CEMP1: variants seen among roughly 807,000 people sequenced by gnomAD.
CEMP1 encodes cementum protein 1.
For synonymous variants in CEMP1, 161 were observed against 128.6 expected (o/e 1.25, Z -1.71); for missense variants, 387 against 316.9 (o/e 1.22, Z -1.68).
In CEMP1 at chr16:2,530,616, G is replaced by A. The variant is rs377752525; in HGVS notation, c.458C>T (p.Ala153Val). The change falls in exon 1 of 1, where the codon GCC (alanine) becomes GTC (valine). Residue 153 changes from alanine (A) to valine (V), a missense_variant. By Grantham distance (64) the Ala-to-Val change is moderately conservative. Coordinates refer to ENST00000567119, the MANE Select transcript of CEMP1 (RefSeq NM_001048212.3). ...LQQREENSGRARRVPPVPRTA... is the reference protein window; with the variant it reads ...LQQREENSGRVRRVPPVPRTA... Reference sequence around the variant, plus strand: ...CCTGGGCACAGGAGGTACGCGCCTGGCTCTGCCACTGTTCTCTTCCCTCTG... The same window carrying A: ...CCTGGGCACAGGAGGTACGCGCCTGACTCTGCCACTGTTCTCTTCCCTCTG... 22 of 1,614,050 alleles carry A rather than the reference G, an allele frequency of 1.4e-5. No individual in the cohort carries two copies. Among genetic ancestry groups the A allele is most frequent in the Non-Finnish European group, 1.8e-5 (21 of 1,180,032 alleles).
Position 2,531,085 on chromosome 16 carries a change from A to G in CEMP1, c.-12T>C. On this transcript the variant is annotated 5_prime_UTR_variant, in exon 1 of 1. Transcript: ENST00000567119. Reference sequence around the variant, plus strand: ...CTTGATGTGCCCATCCTCAGCTAAAACCCAGAGCTGGCATGTTGGTCATCC... The same window carrying G: ...CTTGATGTGCCCATCCTCAGCTAAAGCCCAGAGCTGGCATGTTGGTCATCC... The G allele has an allele frequency of 1.3e-6, 2 of 1,573,896 alleles. No homozygotes were observed. The highest frequency in any genetic ancestry group is 1.7e-6 in the Non-Finnish European group (2 of 1,155,572).
At position 2,530,271 on chromosome 16, in the gene CEMP1, G is replaced by A. The variant is rs551703522; in HGVS notation, c.*59C>T. On this transcript the variant is annotated 3_prime_UTR_variant, in exon 1 of 1. Coordinates refer to ENST00000567119, the MANE Select transcript of CEMP1 (RefSeq NM_001048212.3). ...CACATCCCCAGGCCCAGTGCTTGCC[G>A]GCTGTGGTGACCCTGCCTGGTGCTG... 23 of 1,612,232 alleles carry A rather than the reference G, an allele frequency of 1.4e-5. No homozygotes were observed. The highest frequency in any genetic ancestry group is 1.1e-4 in the East Asian group (5 of 44,842).
In CEMP1 at chr16:2,530,581, C is replaced by G. The variant is rs563584391; in HGVS notation, c.493G>C (p.Val165Leu). Residue 165 changes from valine (V) to leucine (L), a missense_variant, in exon 1 of 1, where the codon GTA becomes CTA. Coordinates refer to ENST00000567119, the MANE Select transcript of CEMP1 (RefSeq NM_001048212.3). The part of the protein sequence containing the change: ...RVPPVPRTAP[V>L]SKGEGSHPPQ... ...GGGTGGCTCCCTTCCCCCTTGCTTA[C>G]AGGTGCTGTCCTGGGCACAGGAGGT... 10 of 1,614,092 alleles carry G rather than the reference C, an allele frequency of 6.2e-6. No individual in the cohort carries two copies. The highest frequency in any genetic ancestry group is 2.2e-5 in the South Asian group (2 of 91,096).
chr16:2,531,301 G>C lies in CEMP1; in HGVS notation c.-228C>G. 1.8e-6 allele frequency: 1 copy of C among 564,958 alleles called. No individual in the cohort carries two copies. The highest frequency in any genetic ancestry group is 2.8e-5 in the South Asian group (1 of 35,924). The allele number at this position is 564,958 out of a possible 1,614,324, so 35.0% of individuals were successfully genotyped here. ...GGGCCCAGGGTCAGGGTGAGAGAGA[G>C]CTGGGCCAGGGAGCTGCTGCAGGAT... On this transcript the variant is annotated 5_prime_UTR_variant, in exon 1 of 1. Transcript: ENST00000567119.
rs1597002313 is a variant in CEMP1 at position 2,530,740 on chromosome 16, C to T, written c.334G>A (p.Gly112Ser). 6.2e-7 allele frequency: 1 copy of T among 1,613,852 alleles called. No individual in the cohort carries two copies. The highest frequency in any genetic ancestry group is 8.5e-7 in the Non-Finnish European group (1 of 1,179,992). ...GAACAGCCAGGGAAGAACCACCTGC[C>T]TGGGCAGGGCCTCGCCTGAGGGAGG... ...QALPQARPCPGRWFFPGCSLP... is the reference protein window; with the variant it reads ...QALPQARPCPSRWFFPGCSLP... The change falls in exon 1 of 1, where the codon GGC becomes AGC. Residue 112 changes from glycine to serine, a missense_variant. Coordinates refer to ENST00000567119, the MANE Select transcript of CEMP1 (RefSeq NM_001048212.3).
At position 2,531,355 on chromosome 16, in the gene CEMP1, G is replaced by A. The variant is rs1457817905; in HGVS notation, c.-282C>T. ...TTTGAGGTGTGGGGGAAGCACTCTTGGTTGGTTTTGGTTTGCTTTTTAAAA... is the reference window on the plus strand; with the variant it reads ...TTTGAGGTGTGGGGGAAGCACTCTTAGTTGGTTTTGGTTTGCTTTTTAAAA... On this transcript the variant is annotated 5_prime_UTR_variant, in exon 1 of 1. An upstream open reading frame in the 5' UTR gains an earlier in-frame stop. Coordinates refer to ENST00000567119, the MANE Select transcript of CEMP1 (RefSeq NM_001048212.3). 6 of 508,970 alleles carry A rather than the reference G, an allele frequency of 1.2e-5. No individual in the cohort carries two copies. In the East Asian group the frequency reaches 1.8e-4, roughly 15 times the overall value. The allele number at this position is 508,970 out of a possible 1,614,324, so 31.5% of individuals were successfully genotyped here.
In CEMP1 at chr16:2,531,268, T is replaced by G. The variant is rs994353468; in HGVS notation, c.-195A>C. 21 of 653,472 alleles carry G rather than the reference T, an allele frequency of 3.2e-5. No homozygotes were observed. Among genetic ancestry groups the G allele is most frequent in the Admixed American group, 6.2e-5 (2 of 32,336 alleles). The allele number at this position is 653,472 out of a possible 1,614,324, so 40.5% of individuals were successfully genotyped here. A position where few individuals can be genotyped will look rare whatever the true frequency, so the allele number is the denominator to read the frequency against. On this transcript the variant is annotated 5_prime_UTR_variant, in exon 1 of 1. Coordinates refer to ENST00000567119, the MANE Select transcript of CEMP1 (RefSeq NM_001048212.3). ...GGTCCACAGGGCTAGCCCTGGGTGG[T>G]GGGAGAGGGGCCCAGGGTCAGGGTG...
rs745387136 is a variant in CEMP1, at chr16:2,530,703, C to G, written c.371G>C (p.Gly124Ala). 3 of 1,614,070 alleles carry G rather than the reference C, an allele frequency of 1.9e-6. No individual in the cohort carries two copies. In the South Asian group the frequency reaches 3.3e-5, roughly 18 times the overall value. ...AAGAGATAGGATGGTCTGGGCCCCACCTGTTGGAAGGGAACAGCCAGGGAA... is the reference window on the plus strand; with the variant it reads ...AAGAGATAGGATGGTCTGGGCCCCAGCTGTTGGAAGGGAACAGCCAGGGAA... ...WFFPGCSLPT[G>A]GAQTILSLWT... Residue 124 changes from glycine (G) to alanine (A), a missense_variant, in exon 1 of 1, where the codon GGT (glycine) becomes GCT (alanine). By Grantham distance (60) the Gly-to-Ala change is moderately conservative (BLOSUM62 0). Coordinates refer to ENST00000567119, the MANE Select transcript of CEMP1 (RefSeq NM_001048212.3).
rs2066092302 is a variant in CEMP1, at chr16:2,531,244, G to A, written c.-171C>T. ...GGGGAGGGGCTGGCAGAGATGGTTGGTCCACAGGGCTAGCCCTGGGTGGTG... is the reference window on the plus strand; with the variant it reads ...GGGGAGGGGCTGGCAGAGATGGTTGATCCACAGGGCTAGCCCTGGGTGGTG... On this transcript the variant is annotated 5_prime_UTR_variant, in exon 1 of 1. Coordinates refer to ENST00000567119, the MANE Select transcript of CEMP1 (RefSeq NM_001048212.3). The A allele has an allele frequency of 2.4e-6, 2 of 836,584 alleles. No individual in the cohort carries two copies. Among genetic ancestry groups the A allele is most frequent in the African/African-American group, 3.5e-5 (2 of 57,654 alleles). 51.8% of individuals were successfully genotyped at this position (836,584 alleles called of 1,614,324 possible).
Position 2,530,169 on chromosome 16 carries a change from C to T in CEMP1, c.*161G>A. Reference sequence around the variant, plus strand: ...CTGGGCCCGGGACCCCTGTTTTCTGCTCCCTGGACTGCCTAGCCCTGAGTG... The same window carrying T: ...CTGGGCCCGGGACCCCTGTTTTCTGTTCCCTGGACTGCCTAGCCCTGAGTG... On this transcript the variant is annotated 3_prime_UTR_variant, in exon 1 of 1. Transcript: ENST00000567119. 1 of 1,455,680 alleles carries T rather than the reference C, an allele frequency of 6.9e-7. No homozygotes were observed. Among genetic ancestry groups the T allele is most frequent in the African/African-American group, 1.4e-5 (1 of 70,752 alleles). 90.2% of individuals were successfully genotyped at this position (1,455,680 alleles called of 1,614,324 possible).
rs149961868 is a variant in CEMP1 at position 2,530,889 on chromosome 16, G to T, written c.185C>A (p.Ala62Glu). ...GTGAGGTGCAGGGATACCCACCTCT[G>T]CCTTGACGGCCGCGCACCCCTTAGG... ...PLPKGCAAVK[A>E]EVGIPAPHTS... The change falls in exon 1 of 1, where the codon GCA becomes GAA. Residue 62 changes from alanine (A) to glutamate (E), a missense_variant. Coordinates refer to ENST00000567119, the MANE Select transcript of CEMP1 (RefSeq NM_001048212.3). 3 of 1,613,534 alleles carry T rather than the reference G, an allele frequency of 1.9e-6. No homozygotes were observed. Among genetic ancestry groups the T allele is most frequent in the African/African-American group, 2.7e-5 (2 of 75,036 alleles).
chr16:2,530,644 G>A, intron 1 of CEMP1: 2 of 1,614,194 alleles, frequency 1.2e-6, no homozygotes, highest in East Asian at 2.2e-5. Flanking sequence ...TCCCTCTGCT[G>A]CAAAGCCCAG....
chr16:2,530,747 G>C lies in CEMP1; in HGVS notation c.327C>G (p.Pro109=). 1 of 1,613,704 alleles carries C rather than the reference G, an allele frequency of 6.2e-7. No individual in the cohort carries two copies. Among genetic ancestry groups the C allele is most frequent in the African/African-American group, 1.3e-5 (1 of 75,058 alleles). Residue 109 remains proline (P), a synonymous_variant, in exon 1 of 1, where the codon CCC becomes CCG. Transcript: ENST00000567119. The part of the protein sequence containing the change: ...ALPQALPQAR[P]CPGRWFFPGC... ...CAGGGAAGAACCACCTGCCTGGGCA[G>C]GGCCTCGCCTGAGGGAGGGCCTGGG...
In CEMP1 at chr16:2,530,517, G is replaced by A. The variant is rs1216847909; in HGVS notation, c.557C>T (p.Thr186Ile). The change falls in exon 1 of 1, where the codon ACC (threonine) becomes ATC (isoleucine). Residue 186 changes from threonine to isoleucine, a missense_variant. Physicochemically the swap from Thr to Ile is moderately conservative, Grantham distance 89. Transcript: ENST00000567119. ...GGATTGGTGCAGCCCCACGTCAGGGGTGATTGTCTTGACTTTCTCTCCATT... is the reference window on the plus strand; with the variant it reads ...GGATTGGTGCAGCCCCACGTCAGGGATGATTGTCTTGACTTTCTCTCCATT... ...NSNGEKVKTI[T>I]PDVGLHQSLT... The A allele has an allele frequency of 6.2e-7, 1 of 1,614,198 alleles. No homozygotes were observed.
Position 2,530,086 on chromosome 16 carries a change from CCT to C in CEMP1, c.*242_*243del. 9.6e-7 allele frequency: 1 copy of C among 1,041,378 alleles called. No individual in the cohort carries two copies. The highest frequency in any genetic ancestry group is 1.3e-6 in the Non-Finnish European group (1 of 741,530). 64.5% of individuals were successfully genotyped at this position (1,041,378 alleles called of 1,614,324 possible). ...GGGGTGTGCAGCGTGGAGCCCACAGCCTGGTTCTGGGCCAGGGCACAGTGCCA... is the reference window on the plus strand; with the variant it reads ...GGGGTGTGCAGCGTGGAGCCCACAGCGGTTCTGGGCCAGGGCACAGTGCCA... On this transcript the variant is annotated 3_prime_UTR_variant, in exon 1 of 1. Coordinates refer to ENST00000567119, the MANE Select transcript of CEMP1 (RefSeq NM_001048212.3).
Position 2,530,334 on chromosome 16 carries a change from C to G in CEMP1, c.740G>C (p.Gly247Ala). 1 of 1,614,154 alleles carries G rather than the reference C, an allele frequency of 6.2e-7. No homozygotes were observed. Among genetic ancestry groups the G allele is most frequent in the Non-Finnish European group, 8.5e-7 (1 of 1,180,014 alleles). The change falls in exon 1 of 1, where the codon GGG (glycine) becomes GCG (alanine). Residue 247 changes from glycine (G) to alanine (A), a missense_variant. Physicochemically the swap from Gly to Ala is moderately conservative, Grantham distance 60. Coordinates refer to ENST00000567119, the MANE Select transcript of CEMP1 (RefSeq NM_001048212.3). ...DTEDGRMTLM[G>A] is the part of the protein sequence containing the mutation. ...GGAGGCACCAGTGTGCCCTGCTCAC[C>G]CCATTAGTGTCATCCTGCCATCTTC...
chr16:2,531,384 G>A lies in CEMP1; in HGVS notation c.-311C>T, dbSNP rs2066094907. ...GGTTTTGGTTTGCTTTTTAAAAATTGTGGTAAAATACATAACAAAAGTAAC... is the reference window on the plus strand; with the variant it reads ...GGTTTTGGTTTGCTTTTTAAAAATTATGGTAAAATACATAACAAAAGTAAC... On this transcript the variant is annotated 5_prime_UTR_variant, in exon 1 of 1. Coordinates refer to ENST00000567119, the MANE Select transcript of CEMP1 (RefSeq NM_001048212.3). The A allele has an allele frequency of 4.0e-6, 2 of 505,036 alleles. No homozygotes were observed. Among genetic ancestry groups the A allele is most frequent in the Admixed American group, 3.6e-5 (1 of 28,048 alleles). 31.3% of individuals were successfully genotyped at this position (505,036 alleles called of 1,614,324 possible).
Position 2,531,037 on chromosome 16 carries a change from GC to G in CEMP1, c.36del (p.His13ThrfsTer?), listed in dbSNP as rs2066088374. On this transcript the variant is annotated frameshift_variant, in exon 1 of 2. Transcript: ENST00000565480. LOFTEE classifies it high-confidence loss of function. Reference sequence around the variant, plus strand: ...GTGTTAGAGGTTGAGCATCGCCTGTGCCCAGCTTGCTGGCTGTCAGTGCTTG... The same window carrying G: ...GTGTTAGAGGTTGAGCATCGCCTGTGCCAGCTTGCTGGCTGTCAGTGCTTG... 1.3e-6 allele frequency: 2 copies of G among 1,598,614 alleles called. No individual in the cohort carries two copies. The highest frequency in any genetic ancestry group is 2.2e-5 in the South Asian group (2 of 90,588).
In CEMP1 at chr16:2,530,981, C is replaced by T. The variant is rs766962908; in HGVS notation, c.93G>A (p.Leu31=). The change falls in exon 1 of 1, where the codon CTG becomes CTA. Residue 31 remains leucine (L), a synonymous_variant. Transcript: ENST00000567119. ...GAGCTGTCTTGCCAGGGCTCCCAGG[C>T]AGGGAGAGGCAGGTGAGGTTCTCAG... ...TSAENLTCLS[L]PGSPGKTAPL... 9.3e-6 allele frequency: 15 copies of T among 1,613,246 alleles called. 1 individual carries two copies. In the South Asian group the frequency reaches 1.4e-4, roughly 15 times the overall value.
Sources: gnomAD v4.1 joint callset for allele counts on GRCh38, gnomAD v4.1.1 for gene constraint, MANE v1.5 for transcripts, NCBI Gene and HGNC (gene_info 2026-07-23, HGNC 2026-07-21) for gene names.